Variants in AFG1L observed in about 807,000 individuals in gnomAD.
AFG1L encodes the protein AFG1 like ATPase.
A neutral mutation model predicts 62.2 loss-of-function variants in AFG1L; 53 were observed. That is an observed-to-expected ratio of 0.85 (90% confidence interval 0.68 to 1.07). AFG1L has a LOEUF of 1.07. Ranked by LOEUF, AFG1L falls within the 50% of genes least tolerant of loss-of-function variation. The probability of loss-of-function intolerance (pLI) is 0.00; values close to 1 mark genes in which losing one functional copy is unlikely to be tolerated. For synonymous variants in AFG1L, 228 were observed against 210.3 expected (o/e 1.08, Z -0.73); for missense variants, 555 against 590.5 (o/e 0.94, Z 0.62).
At chr6:108,380,333 C>T (rs1253972479) in intron 6 of AFG1L, among the ~76,000 whole-genome samples, 1 of 152,152 alleles carries the variant, frequency 6.6e-6, no homozygotes, top group Non-Finnish European at 1.5e-5. Flanking sequence ...ATTCCAAATG[C>T]CTGGATTTCT....
chr6:108,383,218 G>A (rs1480675614), intron 6 of AFG1L, among the ~76,000 whole-genome samples: 2 of 152,190 alleles, frequency 1.3e-5, no homozygotes, highest in South Asian at 4.1e-4. Context: ...GGGCAACAGA[G>A]CGAGTCTGTC....
intron 7 of AFG1L, among the ~76,000 whole-genome samples, chr6:108,431,394 G>A (rs922425885): frequency 6.6e-6 from 1 of 151,982 alleles, no homozygotes; most frequent in Non-Finnish European, 1.5e-5. Context: ...ATGAGCCACC[G>A]CGCCTGGCTA....
At chr6:108,346,223 T>C (rs1778858722) in intron 2 of AFG1L, among the ~76,000 whole-genome samples, 1 of 152,178 alleles carries the variant, frequency 6.6e-6, no homozygotes, top group Non-Finnish European at 1.5e-5. Context: ...TCAGTGGTAT[T>C]AAATACATTC....
chr6:108,379,995 C>G (rs546819947), intron 6 of AFG1L, among the ~76,000 whole-genome samples: 1 of 152,142 alleles, frequency 6.6e-6, no homozygotes, highest in Admixed American at 6.5e-5. Flanking sequence ...CTCCAGATGC[C>G]TGGAGATTTG....
At chr6:108,399,200 T>G (rs1405863947) in intron 6 of AFG1L, among the ~76,000 whole-genome samples, 3 of 136,126 alleles carry the variant, frequency 2.2e-5, no homozygotes, top group South Asian at 2.5e-4. Flanking sequence ...TTTTTTTTTT[T>G]TTTTTTGAGA....
intron 10 of AFG1L, among the ~76,000 whole-genome samples, chr6:108,480,834 T>G (rs1045970490): frequency 6.6e-6 from 1 of 152,094 alleles, no homozygotes; most frequent in Non-Finnish European, 1.5e-5. Flanking sequence ...ATAAATAAAG[T>G]GTAATCAGAT....
chr6:108,414,253 C>T lies in AFG1L; in HGVS notation c.807+12199C>T, dbSNP rs556003949. ...GTTGAATCCTTGTATAGACCAATAA[C>T]AGGTTCTGAAATTGAGGCAAAAATT... On this transcript the variant is annotated intron_variant, in intron 7 of 12. Transcript: ENST00000368977. Among the ~76,000 whole-genome samples, 6 of 152,268 alleles carry T rather than the reference C, an allele frequency of 3.9e-5. No individual in the cohort carries two copies. The East Asian group carries it at 1.2e-3, about 29-fold the overall frequency.
intron 12 of AFG1L, chr6:108,520,081 G>A (rs1333000278): frequency 3.7e-6 from 1 of 266,890 alleles, no homozygotes; most frequent in Non-Finnish European, 7.3e-6. Flanking sequence ...GGACTAAGGT[G>A]CCCACAGTCA....
chr6:108,347,783 C>T (rs1282815810), intron 3 of AFG1L, among the ~76,000 whole-genome samples: 1 of 151,926 alleles, frequency 6.6e-6, no homozygotes, highest in African/African-American at 2.4e-5. Flanking sequence ...GGCTTTTTTG[C>T]CTCCTTGCTT....
chr6:108,438,405 A>G (rs1353274951), intron 7 of AFG1L, among the ~76,000 whole-genome samples: 1 of 152,084 alleles, frequency 6.6e-6, no homozygotes, highest in African/African-American at 2.4e-5. Context: ...ACATGTCCAC[A>G]TTTCCTCTTC....
At chr6:108,364,081 G>C (rs1216379451) in intron 5 of AFG1L, among the ~76,000 whole-genome samples, 1 of 152,140 alleles carries the variant, frequency 6.6e-6, no homozygotes, top group African/African-American at 2.4e-5. Context: ...TGTATTAGCA[G>C]ACTACCCTTA....
intron 10 of AFG1L, among the ~76,000 whole-genome samples, chr6:108,487,287 T>C (rs1773608120): frequency 1.3e-5 from 2 of 152,134 alleles, no homozygotes; most frequent in Admixed American, 6.6e-5. Flanking sequence ...ATCTCTTGAG[T>C]ACAGGAGTTC....
At chr6:108,317,994 A>G (rs1777672026) in intron 1 of AFG1L, 1 of 153,072 alleles carries the variant, frequency 6.5e-6, no homozygotes, top group African/African-American at 2.4e-5. Flanking sequence ...GGAGAATTTT[A>G]TTTGTTCCAA....
rs1052652127 is a variant in AFG1L at position 108,412,507 on chromosome 6, G to C, written c.807+10453G>C. On this transcript the variant is annotated intron_variant, in intron 7 of 12. Transcript: ENST00000368977. ...AATGAAGGAAAAAATGTTAAGGGCA[G>C]CCAGAGAGAAAGGTTGGGTTACCCA... Among the ~76,000 whole-genome samples the C allele has an allele frequency of 2.0e-5, 3 of 152,198 alleles. No individual in the cohort carries two copies. The East Asian group carries it at 5.8e-4, about 29-fold the overall frequency.
intron 6 of AFG1L, among the ~76,000 whole-genome samples, chr6:108,399,999 G>C (rs1297890539): frequency 1.3e-5 from 2 of 151,700 alleles, no homozygotes; most frequent in Non-Finnish European, 2.9e-5. Flanking sequence ...GGCTGGTCCT[G>C]AACTCCTGGA....
intron 6 of AFG1L, among the ~76,000 whole-genome samples, chr6:108,392,357 T>C (rs1781094859): frequency 6.6e-6 from 1 of 152,184 alleles, no homozygotes; most frequent in African/African-American, 2.4e-5. Context: ...AAATTACTTT[T>C]AGGTGATGTA....
chr6:108,341,090 A>G (rs1451035700), intron 2 of AFG1L, among the ~76,000 whole-genome samples: 1 of 152,132 alleles, frequency 6.6e-6, no homozygotes, highest in Non-Finnish European at 1.5e-5. Flanking sequence ...TTTTTCAGCA[A>G]TCCTCAGCAA....
chr6:108,472,589 A>G (rs1340834798), intron 8 of AFG1L, among the ~76,000 whole-genome samples: 3 of 152,138 alleles, frequency 2.0e-5, no homozygotes, highest in Non-Finnish European at 4.4e-5. Context: ...CAATTTGGAT[A>G]GAAGAATGGC....
At chr6:108,331,177 T>C (rs1040376157) in intron 2 of AFG1L, among the ~76,000 whole-genome samples, 1 of 151,934 alleles carries the variant, frequency 6.6e-6, no homozygotes, top group African/African-American at 2.4e-5. Context: ...GTCCACCTAA[T>C]TGGGAGGCTG....
Sources: allele counts gnomAD v4.1 joint callset (sites outside exome capture counted in the v4.1 genomes callset), GRCh38; gene constraint gnomAD v4.1.1; transcripts MANE v1.5; gene names NCBI Gene and HGNC (gene_info 2026-07-23, HGNC 2026-07-21).